RSRP1: variants seen among roughly 807,000 people sequenced by gnomAD.
RSRP1 encodes the protein arginine and serine rich protein 1, also known as arginine/serine-rich protein 1.
RSRP1 carries 37 observed loss-of-function variants against 33.0 expected under a neutral mutation model. The observed-to-expected ratio is 1.12, with a 90% CI of 0.86 to 1.48. RSRP1 has a LOEUF of 1.48. RSRP1 is among the 40% of genes most tolerant of loss of function. The pLI is 0.00. For synonymous variants in RSRP1, 167 were observed against 158.7 expected (o/e 1.05, Z -0.40); for missense variants, 402 against 385.3 (o/e 1.04, Z -0.36).
intron 1 of RSRP1, chr1:25,336,990 C>T (rs1449111063): frequency 6.6e-6 from 1 of 152,632 alleles, no homozygotes; most frequent in Non-Finnish European, 1.5e-5. Flanking sequence ...TGCCGCCGTA[C>T]ATGTCAATCA....
Position 25,276,702 on chromosome 1 carries a change from A to G in RSRP1, c.-66-29673T>C, listed in dbSNP as rs1231368346. On this transcript the variant is annotated intron_variant, in intron 1 of 1. Coordinates refer to the RSRP1 transcript ENST00000561867. ...TCACTCCAGCATGGGCGACAGAGCA[A>G]GACCCTGTCTCAAAAAAAATAAAAA... Among the ~76,000 whole-genome samples, 2 of 130,828 alleles carry G rather than the reference A, an allele frequency of 1.5e-5. 1 individual carries two copies. Among genetic ancestry groups the G allele is most frequent in the African/African-American group, 5.2e-5 (2 of 38,192 alleles). 85.8% of individuals were successfully genotyped at this position (130,828 alleles called of 152,430 possible). A position where few individuals can be genotyped will look rare whatever the true frequency, so the allele number is the denominator to read the frequency against.
intron 1 of RSRP1, among the ~76,000 whole-genome samples, chr1:25,262,654 T>A (rs533531052): frequency 6.6e-6 from 1 of 152,130 alleles, no homozygotes; most frequent in African/African-American, 2.4e-5. Flanking sequence ...GGAAAGCTGA[T>A]GATATAATTC....
intron 1 of RSRP1, 44 bp downstream of exon 1, chr1:25,247,265 A>T (rs2124544110): frequency 2.7e-6 from 1 of 370,516 alleles, no homozygotes; most frequent in African/African-American, 2.1e-5. Context: ...CTCCTGAGAG[A>T]CCACTGCGGT....
exon 1 of RSRP1, chr1:25,337,979 T>C (rs1645112772): frequency 6.6e-6 from 1 of 152,014 alleles, no homozygotes; most frequent in Non-Finnish European, 1.5e-5. Flanking sequence ...TGAACCCACC[T>C]TTTGCACCAC....
intron 1 of RSRP1, among the ~76,000 whole-genome samples, chr1:25,318,703 C>G (rs1410373384): frequency 7.5e-6 from 1 of 132,682 alleles, no homozygotes; most frequent in African/African-American, 2.6e-5. Context: ...AGGTGAATGC[C>G]AAATAAGAGA....
intron 1 of RSRP1, among the ~76,000 whole-genome samples, chr1:25,261,878 CTT>C (rs986702496): frequency 4.0e-5 from 6 of 150,402 alleles, no homozygotes; most frequent in Admixed American, 3.3e-4. Context: ...CACCTAGCTA[CTT>C]TTTGTATTTT....
At chr1:25,307,713 C>G (rs566385768) in intron 1 of RSRP1, 1 of 1,308,334 alleles carries the variant, frequency 7.6e-7, no homozygotes, top group East Asian at 2.5e-5. Context: ...TGCGTTTGGA[C>G]GTGTCTCAGA....
chr1:25,300,511 CAAAA>C (rs59194477), intron 1 of RSRP1, among the ~76,000 whole-genome samples: 23 of 96,520 alleles, frequency 2.4e-4, no homozygotes, highest in South Asian at 3.2e-4. Context: ...GACTCTGTCT[CAAAA>C]AAAAAAAAAA....
At chr1:25,285,134 A>ATTTTTTTTT (rs869147845) in intron 1 of RSRP1, among the ~76,000 whole-genome samples, 3 of 120,772 alleles carry the variant, frequency 2.5e-5, no homozygotes, top group African/African-American at 8.9e-5. Flanking sequence ...GAGACATTCT[A>ATTTTTTTTT]TTTTTTTTTT....
At chr1:25,243,505 A>G (rs780113343) in intron 4 of RSRP1, 45 bp downstream of exon 4, 2 of 1,598,622 alleles carry the variant, frequency 1.3e-6, no homozygotes, top group East Asian at 4.5e-5. Flanking sequence ...GCAAAAATAC[A>G]TCCTAAATCC....
chr1:25,313,750 A>G (rs1644286250), intron 1 of RSRP1, among the ~76,000 whole-genome samples: 1 of 132,162 alleles, frequency 7.6e-6, no homozygotes, highest in Non-Finnish European at 1.8e-5. Context: ...GGCATCCACT[A>G]ATGGGCAGGA....
At chr1:25,268,377 G>C (rs368350798) in intron 1 of RSRP1, among the ~76,000 whole-genome samples, 1 of 131,176 alleles carries the variant, frequency 7.6e-6, no homozygotes, top group Admixed American at 7.4e-5. Context: ...AAATTAGCGC[G>C]GTGTGGTGGC....
intron 3 of RSRP1, 45 bp downstream of exon 3, chr1:25,245,105 G>T: frequency 6.2e-7 from 1 of 1,613,984 alleles, no homozygotes; most frequent in Non-Finnish European, 8.5e-7. Context: ...AGATTTGACA[G>T]TTGGCTTTCT....
intron 1 of RSRP1, 102 bp from the exon 2 acceptor site, chr1:25,247,131 C>A (rs1639517056): frequency 1.4e-6 from 1 of 728,920 alleles, no homozygotes; most frequent in Admixed American, 3.5e-5. Context: ...AGCCACGGCG[C>A]GGGCGGCGAC....
At chr1:25,289,114 A>G (rs563513614) in intron 1 of RSRP1, among the ~76,000 whole-genome samples, 2 of 131,594 alleles carry the variant, frequency 1.5e-5, no homozygotes, top group African/African-American at 5.2e-5. Flanking sequence ...ACTGTTTCCA[A>G]AAAGTCCATT....
At chr1:25,269,911 T>C (rs1382050015) in intron 1 of RSRP1, among the ~76,000 whole-genome samples, 1 of 132,152 alleles carries the variant, frequency 7.6e-6, no homozygotes, top group Non-Finnish European at 1.8e-5. Context: ...ACCCACGCCG[T>C]TTGCCAGCTG....
chr1:25,285,074 G>C (rs539353031), intron 1 of RSRP1, among the ~76,000 whole-genome samples: 2 of 133,814 alleles, frequency 1.5e-5, no homozygotes, highest in Admixed American at 7.2e-5. Context: ...TATGGAAAAC[G>C]TAAGAAGGAA....
intron 1 of RSRP1, chr1:25,304,962 T>C (rs1259242744): frequency 7.5e-6 from 1 of 132,558 alleles, no homozygotes; most frequent in Non-Finnish European, 1.8e-5. Context: ...CATTCATTCA[T>C]ATATTCATTC....
chr1:25,273,027 GA>G (rs1274724037), intron 1 of RSRP1, among the ~76,000 whole-genome samples: 1 of 131,868 alleles, frequency 7.6e-6, no homozygotes, highest in Non-Finnish European at 1.8e-5. Context: ...CAGTGGCAAG[GA>G]ATTTTTTTAT....
Sources: gnomAD v4.1 joint callset for allele counts (sites outside exome capture counted in the v4.1 genomes callset) on GRCh38, gnomAD v4.1.1 for gene constraint, MANE v1.5 for transcripts, NCBI Gene and HGNC (gene_info 2026-07-23, HGNC 2026-07-21) for gene names.